Variants in GLS observed in about 807,000 individuals in gnomAD.
GLS encodes glutaminase.
A neutral mutation model predicts 86.7 loss-of-function variants in GLS; 36 were observed. The ratio of observed to expected loss-of-function variants is 0.42; its 90% CI spans 0.32 to 0.55. GLS has a LOEUF of 0.55. GLS is among the 20% of genes least tolerant of loss of function. The pLI, the probability that GLS is intolerant of heterozygous loss-of-function variation, is 0.17. For missense variants in GLS, 528 were observed against 833.4 expected (o/e 0.63, Z 4.51); for synonymous variants, 317 against 305.9 (o/e 1.04, Z -0.38).
intron 14 of GLS, among the ~76,000 whole-genome samples, chr2:190,939,589 C>T (rs1268582041): frequency 2.0e-5 from 3 of 151,662 alleles, no homozygotes; most frequent in South Asian, 2.1e-4. Context: ...TAATCAGTCT[C>T]TTGCTGAACT....
chr2:190,908,885 A>G (rs1018773467), intron 6 of GLS, among the ~76,000 whole-genome samples: 2 of 152,248 alleles, frequency 1.3e-5, no homozygotes, highest in East Asian at 1.9e-4. Flanking sequence ...TAGCATTTGC[A>G]GAGTATTTAT....
Position 190,910,291 on chromosome 2 carries a change from T to C in GLS, c.1008T>C (p.Ala336=). The change falls in exon 7 of 18, where the codon GCT becomes GCC. Residue 336 remains alanine (A), a synonymous_variant. Transcript: ENST00000320717. The part of the protein sequence containing the change: ...DDKPHNPMVN[A]GAIVVTSLIK... ...AACCACATAATCCTATGGTAAATGC[T>C]GGAGCAATTGTTGTGACTTCACTAA... 1 of 1,573,154 alleles carries C rather than the reference T, an allele frequency of 6.4e-7. No individual in the cohort carries two copies. The highest frequency in any genetic ancestry group is 8.7e-7 in the Non-Finnish European group (1 of 1,149,266).
chr2:190,950,870 T>G (rs1471511284), intron 14 of GLS, among the ~76,000 whole-genome samples: 1 of 152,124 alleles, frequency 6.6e-6, no homozygotes, highest in East Asian at 1.9e-4. Flanking sequence ...CAAAGCAAAT[T>G]CCATTTTGGG....
chr2:190,898,112 T>C (rs1688808543), intron 3 of GLS, among the ~76,000 whole-genome samples: 1 of 152,224 alleles, frequency 6.6e-6, no homozygotes, highest in Admixed American at 6.5e-5. Context: ...AAACTTTCTT[T>C]GTATGATCAT....
At chr2:190,901,802 A>G in intron 4 of GLS, 145 bp from the exon 5 acceptor site, 1 of 600,010 alleles carries the variant, frequency 1.7e-6, no homozygotes. Flanking sequence ...GCATTGTTAC[A>G]GAAGATAGAC....
chr2:190,899,763 C>T (rs1688874001), intron 3 of GLS, among the ~76,000 whole-genome samples: 2 of 152,070 alleles, frequency 1.3e-5, no homozygotes, highest in Non-Finnish European at 2.9e-5. Flanking sequence ...GATTTTCTGG[C>T]TTAAATTCTT....
At position 190,949,271 on chromosome 2, in the gene GLS, T is replaced by C. The variant is rs1443055987; in HGVS notation, c.1651-4294T>C. On this transcript the variant is annotated intron_variant, in intron 14 of 17. Transcript: ENST00000320717. This position sits in a 1 kb window ranked among gnomAD's most constrained non-coding sequence, Gnocchi z 4.0. ...TCCGCTGCTTAGAAACCTGTAGTGATTAGAGCAATGTTTTGAGAATATGAT... is the reference window on the plus strand; with the variant it reads ...TCCGCTGCTTAGAAACCTGTAGTGACTAGAGCAATGTTTTGAGAATATGAT... Among the ~76,000 whole-genome samples, 1 of 152,166 alleles carries C rather than the reference T, an allele frequency of 6.6e-6. No individual in the cohort carries two copies. Among genetic ancestry groups the C allele is most frequent in the Non-Finnish European group, 1.5e-5 (1 of 68,030 alleles).
At position 190,963,457 on chromosome 2, in the gene GLS, G is replaced by A. The variant is rs1691049040; in HGVS notation, c.*471G>A. 6.5e-6 allele frequency: 1 copy of A among 153,246 alleles called. No homozygotes were observed. The highest frequency in any genetic ancestry group is 1.5e-5 in the Non-Finnish European group (1 of 68,492). The allele number at this position is 153,246 out of a possible 1,614,324, so 9.5% of individuals were successfully genotyped here. On this transcript the variant is annotated 3_prime_UTR_variant, in exon 18 of 18. Coordinates refer to ENST00000320717, the MANE Select transcript of GLS (RefSeq NM_014905.5). Reference sequence around the variant, plus strand: ...AACAACTATATGCACTTACGGTTGTGTGTTTAAAATGTCTCTCTCACCCCC... The same window carrying A: ...AACAACTATATGCACTTACGGTTGTATGTTTAAAATGTCTCTCTCACCCCC...
Position 190,958,674 on chromosome 2 carries a change from T to C in GLS, c.1853+3856T>C, listed in dbSNP as rs182101160. ...TTTATTTCTGCTTTAATTTTGTTAT[T>C]TACCCAGTAGTCATTCAGGAGCAGG... On this transcript the variant is annotated intron_variant, in intron 17 of 17. Coordinates refer to ENST00000320717, the MANE Select transcript of GLS (RefSeq NM_014905.5). Among the ~76,000 whole-genome samples, 67 of 152,320 alleles carry C rather than the reference T, an allele frequency of 4.4e-4. 2 individuals are homozygous for C. The highest frequency in any genetic ancestry group is 4.0e-3 in the East Asian group (21 of 5,194).
chr2:190,924,002 CTA>C lies in GLS; in HGVS notation c.1197+21_1197+22del. 1 of 1,175,584 alleles carries C rather than the reference CTA, an allele frequency of 8.5e-7. No homozygotes were observed. The highest frequency in any genetic ancestry group is 2.3e-5 in the East Asian group (1 of 42,596). 72.8% of individuals were successfully genotyped at this position (1,175,584 alleles called of 1,614,324 possible). A position where few individuals can be genotyped will look rare whatever the true frequency, so the allele number is the denominator to read the frequency against. ...AAAGAAGGTTTTTAAATTTTTGTTT[CTA>C]TTTCAAATTATTCTTTCATTTAATA... is the stretch of plus-strand genomic sequence containing the variant. On this transcript the variant is annotated intron_variant, in intron 10 of 17. Transcript: ENST00000320717. The surrounding 1 kb of genome is among the most constrained non-coding windows in gnomAD (Gnocchi z 5.2).
intron 14 of GLS, chr2:190,933,767 T>G: frequency 1.4e-6 from 1 of 689,732 alleles, no homozygotes; most frequent in South Asian, 6.6e-5. Context: ...TTTATTATCT[T>G]AATTTTATAA....
rs117985587 is a variant in GLS at position 190,913,888 on chromosome 2, C to T, written c.1038+3567C>T. Reference sequence around the variant, plus strand: ...AGTCATAACCCACTGCAGCCTCAAACTCCTGTGCTCAAGTGATCCTGCCAC... The same window carrying T: ...AGTCATAACCCACTGCAGCCTCAAATTCCTGTGCTCAAGTGATCCTGCCAC... On this transcript the variant is annotated intron_variant, in intron 7 of 17. Transcript: ENST00000320717. This position sits in a 1 kb window ranked among gnomAD's most constrained non-coding sequence, Gnocchi z 6.1. 347 of 208,866 alleles carry T rather than the reference C, an allele frequency of 1.7e-3. 6 individuals carry two copies. In the East Asian group the frequency reaches 0.048, roughly 29 times the overall value. 12.9% of individuals were successfully genotyped at this position (208,866 alleles called of 1,614,324 possible). A position where few individuals can be genotyped will look rare whatever the true frequency, so the allele number is the denominator to read the frequency against.
In GLS at chr2:190,893,593, T is replaced by A. The variant is rs1688633842; in HGVS notation, c.387-1559T>A. 2.0e-5 allele frequency among the ~76,000 whole-genome samples: 3 copies of A among 152,280 alleles called. 1 individual carries two copies. The highest frequency in any genetic ancestry group is 6.8e-3 in the Middle Eastern group (2 of 294). On this transcript the variant is annotated intron_variant, in intron 1 of 17. Coordinates refer to ENST00000320717, the MANE Select transcript of GLS (RefSeq NM_014905.5). ...TATTATTACTAAAACATCCCAAATG[T>A]ATTTTTTTTGGAGACAGAGTCTCGC...
chr2:190,883,071 C>G (rs1417761443), intron 1 of GLS, among the ~76,000 whole-genome samples: 1 of 152,180 alleles, frequency 6.6e-6, no homozygotes, highest in Non-Finnish European at 1.5e-5. Context: ...AGGTCTGTGT[C>G]TCTGCAGTGG....
Position 190,924,854 on chromosome 2 carries a change from G to GC in GLS, c.1248+262dup. ...CCCTTGAACCTGGAAGGCCGAGGTTGCAGTGAGCCGAGATCACGCCACTGC... is the reference window on the plus strand; with the variant it reads ...CCCTTGAACCTGGAAGGCCGAGGTTGCCAGTGAGCCGAGATCACGCCACTGC... On this transcript the variant is annotated intron_variant, in intron 11 of 17. Transcript: ENST00000320717. This position sits in a 1 kb window ranked among gnomAD's most constrained non-coding sequence, Gnocchi z 5.2. The GC allele has an allele frequency of 2.9e-6, 1 of 342,044 alleles. No individual in the cohort carries two copies. Among genetic ancestry groups the GC allele is most frequent in the South Asian group, 3.6e-5 (1 of 27,980 alleles). 21.2% of individuals were successfully genotyped at this position (342,044 alleles called of 1,614,324 possible). A position where few individuals can be genotyped will look rare whatever the true frequency, so the allele number is the denominator to read the frequency against.
rs1007313578 is a variant in GLS, at chr2:190,954,203, G to C, written c.1713-381G>C. The stretch of plus-strand genomic sequence containing the variant: ...AGTCTGACAAGTACTAGTAGACTGT[G>C]AAATGTTTAAGAATGGGAGTCTTAG... On this transcript the variant is annotated intron_variant, in intron 15 of 17. Coordinates refer to ENST00000320717, the MANE Select transcript of GLS (RefSeq NM_014905.5). The surrounding 1 kb of genome is among the most constrained non-coding windows in gnomAD (Gnocchi z 4.0). Among the ~76,000 whole-genome samples, 3 of 151,966 alleles carry C rather than the reference G, an allele frequency of 2.0e-5. No homozygotes were observed. The highest frequency in any genetic ancestry group is 7.3e-5 in the African/African-American group (3 of 41,354).
At position 190,895,589 on chromosome 2, in the gene GLS, T is replaced by C. The variant is rs1272832205; in HGVS notation, c.484-15T>C. The C allele has an allele frequency of 1.1e-5, 18 of 1,572,540 alleles. No individual in the cohort carries two copies. The highest frequency in any genetic ancestry group is 1.6e-5 in the Non-Finnish European group (18 of 1,149,230). ...TGCACTATATATTTACAAACTCTTA[T>C]TTTTTTAAAAACAGGCACTCAAATC... is the stretch of plus-strand genomic sequence containing the variant. On this transcript the variant is annotated splice_polypyrimidine_tract_variant and intron_variant, in intron 2 of 17. Coordinates refer to ENST00000320717, the MANE Select transcript of GLS (RefSeq NM_014905.5). The surrounding 1 kb of genome is among the most constrained non-coding windows in gnomAD (Gnocchi z 4.2).
chr2:190,944,920 G>A (rs745442303), intron 14 of GLS, among the ~76,000 whole-genome samples: 2 of 152,046 alleles, frequency 1.3e-5, no homozygotes, highest in Non-Finnish European at 2.9e-5. Context: ...CCTTTGGGTA[G>A]CACCTCAATA....
At chr2:190,887,906 CA>C in intron 1 of GLS, among the ~76,000 whole-genome samples, 1 of 151,948 alleles carries the variant, frequency 6.6e-6, no homozygotes, top group Middle Eastern at 3.4e-3. Context: ...TTATAACGGC[CA>C]AAAGTTAGAA....
Sources: gnomAD v4.1 joint callset for allele counts (sites outside exome capture counted in the v4.1 genomes callset) on GRCh38, gnomAD v4.1.1 for gene constraint, Gnocchi (gnomAD v3.1) non-coding constraint, MANE v1.5 for transcripts, NCBI Gene and HGNC (gene_info 2026-07-23, HGNC 2026-07-21) for gene names.